The following MATN2 variants were observed in gnomAD, a reference collection of about 807,000 sequenced individuals.
MATN2 encodes the protein matrilin-2.
MATN2 carries 69 observed loss-of-function variants against 103.2 expected under a neutral mutation model. That is an observed-to-expected ratio of 0.67 (90% CI 0.55 to 0.82). The LOEUF (loss-of-function observed/expected upper bound fraction) is 0.82, where lower values mean the gene tolerates loss of function less well. Ranked by LOEUF, MATN2 falls within the 40% of genes least tolerant of loss-of-function variation. The pLI, the probability that MATN2 is intolerant of heterozygous loss-of-function variation, is 0.00. For missense variants in MATN2, 1,023 were observed against 1,211.5 expected (o/e 0.84, Z 2.31); for synonymous variants, 429 against 450.2 (o/e 0.95, Z 0.60).
At chr8:97,909,670 C>T (rs185885386) in intron 2 of MATN2, among the ~76,000 whole-genome samples, 42 of 152,112 alleles carry the variant, frequency 2.8e-4, no homozygotes, top group African/African-American at 9.6e-4. Context: ...GAGGGGCCCA[C>T]GGTAGGAGAT....
chr8:97,928,889 G>C (rs879522910), intron 2 of MATN2, among the ~76,000 whole-genome samples: 4 of 152,160 alleles, frequency 2.6e-5, no homozygotes, highest in African/African-American at 7.2e-5. Context: ...GTGCTCCCAT[G>C]TTCTCATCTA....
At chr8:97,926,995 CT>C (rs556412921) in intron 2 of MATN2, among the ~76,000 whole-genome samples, 130 of 152,344 alleles carry the variant, frequency 8.5e-4, no homozygotes, top group Non-Finnish European at 1.7e-3. Context: ...AGAGAGCTCT[CT>C]ATTTCTTTGA....
chr8:97,923,336 C>A (rs2513835), intron 2 of MATN2, among the ~76,000 whole-genome samples: 49,521 of 151,882 alleles, frequency 0.33, 8,718 homozygotes, highest in African/African-American at 0.41. Flanking sequence ...GGTCACCCTT[C>A]GGTAATTTTT....
At chr8:97,885,740 C>T (rs1381076931) in intron 1 of MATN2, among the ~76,000 whole-genome samples, 2 of 151,818 alleles carry the variant, frequency 1.3e-5, no homozygotes, top group Admixed American at 6.6e-5. Context: ...TTGAGGCTGC[C>T]GTGAGCCATG....
At chr8:97,963,418 C>T (rs1811377787) in intron 5 of MATN2, among the ~76,000 whole-genome samples, 1 of 152,120 alleles carries the variant, frequency 6.6e-6, no homozygotes, top group South Asian at 2.1e-4. Flanking sequence ...AGGAAGCCCA[C>T]CTTGGCCCAT....
At chr8:97,924,314 G>C (rs150723246) in intron 2 of MATN2, among the ~76,000 whole-genome samples, 2 of 152,196 alleles carry the variant, frequency 1.3e-5, no homozygotes, top group East Asian at 3.9e-4. Flanking sequence ...TCATACTCTA[G>C]TTCCCTAATC....
At chr8:98,013,776 G>T (rs755624490) in intron 10 of MATN2, among the ~76,000 whole-genome samples, 1 of 152,144 alleles carries the variant, frequency 6.6e-6, no homozygotes, top group Non-Finnish European at 1.5e-5. Flanking sequence ...TAACTTTCAG[G>T]TATGCCTTCA....
intron 1 of MATN2, among the ~76,000 whole-genome samples, chr8:97,876,848 A>G (rs1421703119): frequency 6.6e-6 from 1 of 152,034 alleles, no homozygotes; most frequent in African/African-American, 2.4e-5. Context: ...CCATTTTTGA[A>G]TGTTATTTTG....
chr8:97,939,165 C>T (rs1396683031), intron 3 of MATN2, among the ~76,000 whole-genome samples: 1 of 152,096 alleles, frequency 6.6e-6, no homozygotes, highest in East Asian at 1.9e-4. Context: ...GTGTGAGCCA[C>T]CATGCCTGGC....
intron 7 of MATN2, among the ~76,000 whole-genome samples, chr8:97,998,643 A>AT (rs1251233474): frequency 6.8e-6 from 1 of 147,380 alleles, no homozygotes; most frequent in African/African-American, 2.6e-5. Flanking sequence ...GCTTCAGCAT[A>AT]TTTTTTTATA....
chr8:98,009,948 G>A (rs1033982162), intron 10 of MATN2, among the ~76,000 whole-genome samples: 9 of 152,190 alleles, frequency 5.9e-5, no homozygotes, highest in Admixed American at 3.3e-4. Context: ...GACTGGGAGC[G>A]TGAATGGACA....
At chr8:97,895,401 G>A (rs1054943970) in intron 2 of MATN2, among the ~76,000 whole-genome samples, 3 of 152,166 alleles carry the variant, frequency 2.0e-5, no homozygotes, top group Admixed American at 6.5e-5. Context: ...GCTTTCCAGA[G>A]CTTTGTCCAT....
intron 5 of MATN2, among the ~76,000 whole-genome samples, chr8:97,975,347 A>G (rs1811800582): frequency 6.6e-6 from 1 of 152,196 alleles, no homozygotes; most frequent in African/African-American, 2.4e-5. Flanking sequence ...GGAAAAGGGG[A>G]AAGTTTGGAG....
chr8:97,988,163 A>AT (rs1812261627), intron 6 of MATN2, among the ~76,000 whole-genome samples: 2 of 56,586 alleles, frequency 3.5e-5, no homozygotes, highest in South Asian at 4.0e-4. Flanking sequence ...AAAAAAAAAA[A>AT]AAAAAAAAAT....
At chr8:98,031,701 A>G (rs1252329838) in intron 15 of MATN2, 1 of 152,278 alleles carries the variant, frequency 6.6e-6, no homozygotes, top group Non-Finnish European at 1.5e-5. Context: ...TCTCCAGTTT[A>G]CTAACTGTGC....
chr8:97,907,741 C>T (rs1450616664), intron 2 of MATN2, among the ~76,000 whole-genome samples: 2 of 152,132 alleles, frequency 1.3e-5, no homozygotes, highest in Non-Finnish European at 2.9e-5. Flanking sequence ...AATGATACCT[C>T]CCTCATAGAG....
At chr8:98,014,107 CAAAAA>C (rs1002641480) in intron 10 of MATN2, among the ~76,000 whole-genome samples, 1 of 150,366 alleles carries the variant, frequency 6.7e-6, no homozygotes, top group Admixed American at 6.6e-5. Context: ...GCCTGTGTCT[CAAAAA>C]AAAGAAAAAA....
chr8:97,878,416 G>A (rs1262472312), intron 1 of MATN2, among the ~76,000 whole-genome samples: 1 of 151,744 alleles, frequency 6.6e-6, no homozygotes, highest in Admixed American at 6.6e-5. Flanking sequence ...ACAAAAACGT[G>A]GGGGTACTGG....
chr8:97,896,264 T>A (rs997900216), intron 2 of MATN2, among the ~76,000 whole-genome samples: 1 of 152,222 alleles, frequency 6.6e-6, no homozygotes, highest in African/African-American at 2.4e-5. Context: ...AGTTCATTCA[T>A]CTCTAAAAGA....
Sources: gnomAD v4.1 joint callset for allele counts (sites outside exome capture counted in the v4.1 genomes callset) on GRCh38, gnomAD v4.1.1 for gene constraint, MANE v1.5 for transcripts, NCBI Gene and HGNC (gene_info 2026-07-23, HGNC 2026-07-21) for gene names.